Variants in RFX4 observed in about 807,000 individuals in gnomAD.
RFX4 encodes regulatory factor X4, also known as transcription factor RFX4.
In RFX4, 10 loss-of-function variants were observed where a neutral mutation model predicts 95.0. The observed-to-expected ratio is 0.11, with a 90% CI of 0.06 to 0.18. The LOEUF is 0.18. Ranked by LOEUF, RFX4 falls within the 10% of genes least tolerant of loss-of-function variation. The pLI is 1.00. For missense variants in RFX4, 640 were observed against 922.0 expected, an observed-to-expected ratio of 0.69 and a Z score of 3.96; for synonymous variants, 321 against 340.7, an observed-to-expected ratio of 0.94 and a Z score of 0.64.
At chr12:106,696,238 G>C (rs745308475) in intron 7 of RFX4, 45 bp from the exon 8 acceptor site, 2 of 1,606,790 alleles carry the variant, frequency 1.2e-6, no homozygotes, top group Non-Finnish European at 8.5e-7. Context: ...CTGTTGGGAG[G>C]GCCCTGGGTA....
chr12:106,686,775 T>C, intron 5 of RFX4, 109 bp from the exon 6 acceptor site: 1 of 993,444 alleles, frequency 1.0e-6, no homozygotes, highest in Non-Finnish European at 1.5e-6. Context: ...CAGCTTTCCT[T>C]GGCCTTGGGC....
At chr12:106,696,573 T>C in intron 8 of RFX4, 127 bp downstream of exon 8, 45 of 749,360 alleles carry the variant, frequency 6.0e-5, no homozygotes, top group South Asian at 9.5e-5. Flanking sequence ...AATATTGAAC[T>C]TTTAAATATT....
chr12:106,599,240 C>G (rs2039664259), intron 1 of RFX4, among the ~76,000 whole-genome samples: 1 of 151,524 alleles, frequency 6.6e-6, no homozygotes, highest in African/African-American at 2.4e-5. Context: ...TTTCCTTGCC[C>G]ACTTTAGAGT....
At chr12:106,697,213 G>A (rs926266214) in intron 8 of RFX4, among the ~76,000 whole-genome samples, 9 of 152,032 alleles carry the variant, frequency 5.9e-5, no homozygotes, top group Admixed American at 1.3e-4. Flanking sequence ...CCTCTACTCC[G>A]TCCACACCTT....
chr12:106,721,595 C>T (rs1210917760), intron 13 of RFX4, among the ~76,000 whole-genome samples: 1 of 152,172 alleles, frequency 6.6e-6, no homozygotes, highest in Non-Finnish European at 1.5e-5. Context: ...TGTACTGAGT[C>T]CAGGTCATCA....
chr12:106,690,253 T>G (rs1418137056), intron 7 of RFX4, among the ~76,000 whole-genome samples: 1 of 152,210 alleles, frequency 6.6e-6, no homozygotes, highest in Non-Finnish European at 1.5e-5. Context: ...TGGGAGTGTG[T>G]TGGTAAAGAA....
chr12:106,659,764 A>C (rs915700367), intron 4 of RFX4, among the ~76,000 whole-genome samples: 1 of 152,212 alleles, frequency 6.6e-6, no homozygotes, highest in African/African-American at 2.4e-5. Flanking sequence ...TAAGTGGTGG[A>C]CTCAGGATGT....
Position 106,583,311 on chromosome 12 carries a change from T to G in RFX4, c.-10T>G, listed in dbSNP as rs1418356719. 6.4e-7 allele frequency: 1 copy of G among 1,557,920 alleles called. No individual in the cohort carries two copies. The highest frequency in any genetic ancestry group is 1.2e-5 in the South Asian group (1 of 85,724). On this transcript the variant is annotated 5_prime_UTR_variant, in exon 1 of 18. It removes an upstream start codon present in the reference 5' UTR. Coordinates refer to ENST00000392842, the MANE Select transcript of RFX4 (RefSeq NM_213594.3). The stretch of plus-strand genomic sequence containing the variant: ...TTTTGGGGGGCGCCTGTGCTGTCCA[T>G]GGGAAGAGCATGCATTGTGGGTTAC...
In RFX4 at chr12:106,613,587, C is replaced by T. The variant is rs976435561; in HGVS notation, c.130+4704C>T. On this transcript the variant is annotated intron_variant, in intron 2 of 17. Coordinates refer to ENST00000392842, the MANE Select transcript of RFX4 (RefSeq NM_213594.3). ...CCATGTTGGCCAGGCTGGTCTCCAA[C>T]TCCTGACTTCAGGTGATCCACCTTC... Among the ~76,000 whole-genome samples, 9 of 152,246 alleles carry T rather than the reference C, an allele frequency of 5.9e-5. No homozygotes were observed. In the East Asian group the frequency reaches 1.7e-3, roughly 30 times the overall value.
intron 4 of RFX4, among the ~76,000 whole-genome samples, chr12:106,673,508 C>T (rs1262540980): frequency 6.6e-6 from 1 of 152,196 alleles, no homozygotes; most frequent in African/African-American, 2.4e-5. Flanking sequence ...GAACTTGATG[C>T]TCAAATGGAA....
At chr12:106,749,257 CAAAAAAAA>C (rs1162244017) in intron 16 of RFX4, among the ~76,000 whole-genome samples, 1 of 49,254 alleles carries the variant, frequency 2.0e-5, no homozygotes, top group Non-Finnish European at 4.6e-5. Flanking sequence ...TACTCCAACT[CAAAAAAAA>C]AAAAAAAAAA....
At chr12:106,744,533 T>C (rs940196853) in intron 15 of RFX4, among the ~76,000 whole-genome samples, 12 of 152,172 alleles carry the variant, frequency 7.9e-5, no homozygotes, top group African/African-American at 2.2e-4. Flanking sequence ...AGTGTTTGCA[T>C]ACCATTAAAA....
At chr12:106,724,270 C>T (rs904041324) in intron 13 of RFX4, among the ~76,000 whole-genome samples, 1 of 152,206 alleles carries the variant, frequency 6.6e-6, no homozygotes, top group African/African-American at 2.4e-5. Flanking sequence ...ATAATAGACA[C>T]TTTCTAAAGA....
At chr12:106,633,558 A>G (rs906797666) in intron 2 of RFX4, among the ~76,000 whole-genome samples, 2 of 152,164 alleles carry the variant, frequency 1.3e-5, no homozygotes, top group African/African-American at 4.8e-5. Context: ...TCCTCAAAAC[A>G]TCCTTGTGAC....
At chr12:106,745,770 C>A (rs1417836963) in intron 15 of RFX4, among the ~76,000 whole-genome samples, 3 of 152,168 alleles carry the variant, frequency 2.0e-5, no homozygotes, top group Admixed American at 6.6e-5. Flanking sequence ...TAAATTCTTT[C>A]ATGTTTTCCA....
intron 7 of RFX4, among the ~76,000 whole-genome samples, chr12:106,695,780 A>T (rs181219892): frequency 1.3e-5 from 2 of 152,204 alleles, no homozygotes; most frequent in East Asian, 1.9e-4. Context: ...CACAAATTTG[A>T]ATCAGAATTT....
chr12:106,727,626 G>GTT (rs397734823), intron 13 of RFX4, among the ~76,000 whole-genome samples: 82 of 147,672 alleles, frequency 5.6e-4, no homozygotes, highest in African/African-American at 1.7e-3. Flanking sequence ...AATTTAGTTT[G>GTT]TTTTTTTTTT....
intron 5 of RFX4, among the ~76,000 whole-genome samples, chr12:106,685,497 C>A (rs2041625694): frequency 6.6e-6 from 1 of 152,144 alleles, no homozygotes; most frequent in South Asian, 2.1e-4. Context: ...GTCAAGCACT[C>A]AGTACCAGAG....
intron 1 of RFX4, among the ~76,000 whole-genome samples, chr12:106,584,547 T>A (rs1345644009): frequency 6.6e-6 from 1 of 152,150 alleles, no homozygotes. Context: ...ATGCACGTCC[T>A]TTCCTTGAGC....
Sources: gnomAD v4.1 joint callset for allele counts (sites outside exome capture counted in the v4.1 genomes callset) on GRCh38, gnomAD v4.1.1 for gene constraint, MANE v1.5 for transcripts, NCBI Gene and HGNC (gene_info 2026-07-23, HGNC 2026-07-21) for gene names.